Variants in MSH4 observed in about 807,000 individuals in gnomAD.
The protein encoded by MSH4 is mutS protein homolog 4.
A neutral mutation model predicts 113.7 loss-of-function variants in MSH4; 106 were observed. The observed-to-expected ratio is 0.93, with a 90% CI of 0.80 to 1.10. The LOEUF (loss-of-function observed/expected upper bound fraction) is 1.10. Among genes scored for constraint, MSH4 ranks in the 50% least tolerant of loss-of-function variants. The pLI is 0.00. For missense variants in MSH4, 1,061 were observed against 1,093.7 expected, an observed-to-expected ratio of 0.97 and a Z score of 0.42; for synonymous variants, 368 against 380.2, an observed-to-expected ratio of 0.97 and a Z score of 0.37.
chr1:75,882,054 A>G (rs1043976477), intron 14 of MSH4, among the ~76,000 whole-genome samples: 4 of 152,064 alleles, frequency 2.6e-5, no homozygotes, highest in Admixed American at 6.6e-5. Context: ...CTAAAATGTT[A>G]TGTTAATTTA....
intron 17 of MSH4, among the ~76,000 whole-genome samples, chr1:75,891,689 A>G (rs1318842382): frequency 6.6e-6 from 1 of 152,122 alleles, no homozygotes; most frequent in African/African-American, 2.4e-5. Context: ...CCTGGGCTCA[A>G]GTGATCCACT....
chr1:75,871,787 G>C (rs115956922), intron 9 of MSH4, among the ~76,000 whole-genome samples: 1 of 152,070 alleles, frequency 6.6e-6, no homozygotes, highest in South Asian at 2.1e-4. Flanking sequence ...GTCCAACAAT[G>C]GTCATTACAG....
At position 75,889,346 on chromosome 1, in the gene MSH4, A is replaced by G; in HGVS notation, c.2203A>G (p.Thr735Ala). The change falls in exon 16 of 20, where the codon ACA becomes GCA. Residue 735 changes from threonine (T) to alanine (A), a missense_variant. Transcript: ENST00000263187. The stretch of plus-strand genomic sequence containing the variant: ...TGATGATATCGAAACAAATTCATCA[A>G]CATTTATGAAAGAAATGAAAGAGGT... ...TDDDIETNSS[T>A]FMKEMKEIAY... 1.3e-6 allele frequency: 2 copies of G among 1,494,470 alleles called. No homozygotes were observed. Among genetic ancestry groups the G allele is most frequent in the Non-Finnish European group, 1.8e-6 (2 of 1,094,092 alleles). The allele number at this position is 1,494,470 out of a possible 1,614,324, so 92.6% of individuals were successfully genotyped here.
intron 1 of MSH4, among the ~76,000 whole-genome samples, chr1:75,797,924 A>T (rs986527987): frequency 2.0e-5 from 3 of 152,196 alleles, no homozygotes; most frequent in Admixed American, 6.5e-5. Flanking sequence ...AGCCTGGGTG[A>T]CACAGTGAGA....
intron 19 of MSH4, among the ~76,000 whole-genome samples, chr1:75,902,758 T>G (rs1652538649): frequency 7.2e-6 from 1 of 139,276 alleles, no homozygotes; most frequent in Non-Finnish European, 1.6e-5. Context: ...CTTTGAGAAA[T>G]CTCCGTAAGG....
chr1:75,797,432 T>C (rs1649841944), intron 1 of MSH4, among the ~76,000 whole-genome samples: 2 of 152,140 alleles, frequency 1.3e-5, no homozygotes, highest in Non-Finnish European at 2.9e-5. Flanking sequence ...ACCTTGACTG[T>C]GGATGGCTCA....
intron 9 of MSH4, among the ~76,000 whole-genome samples, chr1:75,873,957 G>A (rs1020353432): frequency 3.9e-5 from 6 of 152,048 alleles, no homozygotes; most frequent in East Asian, 1.9e-4. Flanking sequence ...TTGTTGGGTC[G>A]AATGGTATCT....
At chr1:75,888,528 T>C (rs1312609211) in intron 15 of MSH4, among the ~76,000 whole-genome samples, 1 of 152,056 alleles carries the variant, frequency 6.6e-6, no homozygotes, top group Non-Finnish European at 1.5e-5. Context: ...ATGTTTGTAA[T>C]CACAGATATT....
chr1:75,836,222 G>T (rs1650823958), intron 7 of MSH4, among the ~76,000 whole-genome samples: 1 of 151,640 alleles, frequency 6.6e-6, no homozygotes, highest in African/African-American at 2.4e-5. Flanking sequence ...GGTTGGCTTG[G>T]TTTCCCTTCT....
chr1:75,843,817 CT>C (rs951781563), intron 7 of MSH4, among the ~76,000 whole-genome samples: 103 of 146,104 alleles, frequency 7.0e-4, no homozygotes, highest in South Asian at 4.1e-3. Context: ...TTGTGGGTTT[CT>C]TTTTTTTTTT....
At chr1:75,873,434 G>A (rs1208403871) in intron 9 of MSH4, among the ~76,000 whole-genome samples, 1 of 151,670 alleles carries the variant, frequency 6.6e-6, no homozygotes, top group East Asian at 1.9e-4. Flanking sequence ...TTAGTTTTGG[G>A]GGTACATGTG....
intron 15 of MSH4, among the ~76,000 whole-genome samples, chr1:75,885,074 T>TATATATATATATATAC: frequency 7.0e-6 from 1 of 141,950 alleles, no homozygotes; most frequent in Admixed American, 7.3e-5. Flanking sequence ...TATATATATA[T>TATATATATATATATAC]ACCAGCCAGG....
intron 8 of MSH4, among the ~76,000 whole-genome samples, chr1:75,856,216 G>GAA (rs34524611): frequency 6.6e-6 from 1 of 151,088 alleles, no homozygotes; most frequent in East Asian, 1.9e-4. Flanking sequence ...TTTCTGTTCA[G>GAA]AAAAAAAAAT....
intron 3 of MSH4, among the ~76,000 whole-genome samples, chr1:75,807,744 T>C (rs997428685): frequency 2.6e-5 from 4 of 152,080 alleles, no homozygotes; most frequent in African/African-American, 9.6e-5. Flanking sequence ...CTTGACTGTA[T>C]TAAAAAAATA....
intron 15 of MSH4, among the ~76,000 whole-genome samples, chr1:75,885,957 G>A (rs62650847): frequency 0.23 from 24,140 of 106,896 alleles, 3,391 homozygotes; most frequent in Admixed American, 0.27. Flanking sequence ...TATATATGAT[G>A]TATTATATAG....
chr1:75,858,175 T>C (rs1332454531), intron 8 of MSH4, among the ~76,000 whole-genome samples: 10 of 152,202 alleles, frequency 6.6e-5, no homozygotes, highest in Admixed American at 5.9e-4. Context: ...GCTGAGACAA[T>C]GGGGTTTTCT....
At chr1:75,840,760 A>G (rs113527109) in intron 7 of MSH4, among the ~76,000 whole-genome samples, 260 of 152,268 alleles carry the variant, frequency 1.7e-3, no homozygotes, top group African/African-American at 6.0e-3. Flanking sequence ...GGCATTCTAT[A>G]AGTGTTAGGG....
chr1:75,910,944 C>T (rs987039364), intron 19 of MSH4, among the ~76,000 whole-genome samples: 3 of 152,010 alleles, frequency 2.0e-5, no homozygotes, highest in Non-Finnish European at 4.4e-5. Flanking sequence ...CAGATTGTCT[C>T]CTAATGCATA....
Position 75,882,594 on chromosome 1 carries a change from A to C in MSH4, c.1907-1027A>C, listed in dbSNP as rs938202885. On this transcript the variant is annotated intron_variant, in intron 14 of 19. Coordinates refer to ENST00000263187, the MANE Select transcript of MSH4 (RefSeq NM_002440.4). ...TTATTTTTATATTTGATTTTATTCT[A>C]TAATCATACCTCAACTTATGAGCTA... Among the ~76,000 whole-genome samples the C allele has an allele frequency of 2.7e-5, 4 of 150,942 alleles. No homozygotes were observed. In the South Asian group the frequency reaches 6.3e-4, roughly 24 times the overall value.
Sources: allele counts gnomAD v4.1 joint callset (sites outside exome capture counted in the v4.1 genomes callset), GRCh38; gene constraint gnomAD v4.1.1; transcripts MANE v1.5; gene names NCBI Gene and HGNC (gene_info 2026-07-23, HGNC 2026-07-21).